The following AIPL1 variants were observed in gnomAD, a reference collection of about 807,000 sequenced individuals.
The protein encoded by AIPL1 is aryl-hydrocarbon-interacting protein-like 1.
A neutral mutation model predicts 32.9 loss-of-function variants in AIPL1; 23 were observed. That is an observed-to-expected ratio of 0.70 (90% CI 0.50 to 0.99). The LOEUF (loss-of-function observed/expected upper bound fraction) is 0.99. AIPL1 is among the 50% of genes least tolerant of loss of function. AIPL1 has a pLI of 0.00. For synonymous variants in AIPL1, 210 were observed against 209.4 expected, an observed-to-expected ratio of 1.00 and a Z score of -0.02; for missense variants, 485 against 506.0, an observed-to-expected ratio of 0.96 and a Z score of 0.40.
At chr17:6,433,571 A>C (rs925659052) in intron 2 of AIPL1, among the ~76,000 whole-genome samples, 1 of 144,840 alleles carries the variant, frequency 6.9e-6, no homozygotes, top group African/African-American at 2.7e-5. Context: ...AGCCTGGGTG[A>C]CAGAGCGAGA....
At chr17:6,430,417 T>C (rs1186733448) in intron 2 of AIPL1, among the ~76,000 whole-genome samples, 1 of 135,274 alleles carries the variant, frequency 7.4e-6, no homozygotes, top group Non-Finnish European at 1.5e-5. Context: ...TCCCACACCA[T>C]TGCACTCCAG....
intron 5 of AIPL1, 53 bp from the exon 6 acceptor site, chr17:6,425,883 AG>A: frequency 6.3e-7 from 1 of 1,580,862 alleles, no homozygotes; most frequent in South Asian, 1.1e-5. Flanking sequence ...CCTCAGAGGC[AG>A]CCCCAGCCCA....
rs778794784 is a variant in AIPL1, at chr17:6,425,587, G to A, written c.1028C>T (p.Pro343Leu). The change falls in exon 6 of 6, where the codon CCC becomes CTC. Residue 343 changes from proline to leucine, a missense_variant. Pro to Leu is a moderately conservative substitution (Grantham distance 98). Coordinates refer to ENST00000381129, the MANE Select transcript of AIPL1 (RefSeq NM_014336.5). ...QPPAEPPTEP[P>L]AQSSTEPPAE... Reference sequence around the variant, plus strand: ...AGGTGGCTCTGTGGATGACTGTGCGGGTGGCTCTGTGGGTGGCTCTGCGGG... The same window carrying A: ...AGGTGGCTCTGTGGATGACTGTGCGAGTGGCTCTGTGGGTGGCTCTGCGGG... 34 of 1,613,310 alleles carry A rather than the reference G, an allele frequency of 2.1e-5. No individual in the cohort carries two copies. Among genetic ancestry groups the A allele is most frequent in the Non-Finnish European group, 2.6e-5 (31 of 1,179,806 alleles).
chr17:6,431,752 G>A (rs993214360), intron 2 of AIPL1, among the ~76,000 whole-genome samples: 1 of 152,172 alleles, frequency 6.6e-6, no homozygotes, highest in African/African-American at 2.4e-5. Flanking sequence ...TGAAAGTCTA[G>A]GGGGAGCTTT....
At chr17:6,426,080 A>G in intron 5 of AIPL1, 4 of 1,221,344 alleles carry the variant, frequency 3.3e-6, no homozygotes, top group Non-Finnish European at 4.3e-6. Flanking sequence ...TTTTTCTTAT[A>G]GACGCTACCT....
At position 6,435,019 on chromosome 17, in the gene AIPL1, G is replaced by T. The variant is rs1438435621; in HGVS notation, c.86C>A (p.Thr29Asn). ...AGGGGCCCCACTCACTCGGGATCCG[G>T]TGATGAAGTTTGGGAGCTCGCCCGT... ...GGTGELPNFITGSRVIFHFRT... is the reference protein window; with the variant it reads ...GGTGELPNFINGSRVIFHFRT... The change falls in exon 1 of 6, where the codon ACC (threonine) becomes AAC (asparagine). Residue 29 changes from threonine to asparagine, a missense_variant. Thr to Asn is a moderately conservative substitution (Grantham distance 65). Transcript: ENST00000381129. The T allele has an allele frequency of 2.5e-6, 4 of 1,614,070 alleles. No homozygotes were observed. In the African/African-American group the frequency reaches 5.3e-5, roughly 22 times the overall value.
At chr17:6,430,672 T>C (rs1912513912) in intron 2 of AIPL1, among the ~76,000 whole-genome samples, 1 of 152,220 alleles carries the variant, frequency 6.6e-6, no homozygotes, top group Non-Finnish European at 1.5e-5. Context: ...AGCTGTCATG[T>C]GTTAGCAAAC....
rs528477008 is a variant in AIPL1, at chr17:6,434,017, G to T, written c.178C>A (p.His60Asn). ...TTGAACATGTTTCCGATGATGATGT[G>T]CATGGGCTGGCCCACCTGCCGACTG... ...DDSRQVGQPM[H>N]IIIGNMFKLE... Residue 60 changes from histidine (H) to asparagine (N), a missense_variant, in exon 2 of 6, where the codon CAC becomes AAC. Coordinates refer to ENST00000381129, the MANE Select transcript of AIPL1 (RefSeq NM_014336.5). 1 of 1,614,140 alleles carries T rather than the reference G, an allele frequency of 6.2e-7. No individual in the cohort carries two copies. Among genetic ancestry groups the T allele is most frequent in the Non-Finnish European group, 8.5e-7 (1 of 1,180,028 alleles).
chr17:6,433,611 T>A (rs796814359), intron 2 of AIPL1, among the ~76,000 whole-genome samples: 24 of 106,258 alleles, frequency 2.3e-4, no homozygotes, highest in Admixed American at 2.9e-4. Flanking sequence ...TCTCTCTCTC[T>A]CACACACACA....
intron 1 of AIPL1, 64 bp from the exon 2 acceptor site, chr17:6,434,162 C>T: frequency 6.4e-7 from 1 of 1,570,154 alleles, no homozygotes; most frequent in Non-Finnish European, 8.6e-7. Flanking sequence ...GAAGCCACCC[C>T]CTTGCCACCG....
chr17:6,434,945 GCAC>G lies in AIPL1; in HGVS notation c.96+61_96+63del, dbSNP rs766208194. 26 of 1,610,982 alleles carry G rather than the reference GCAC, an allele frequency of 1.6e-5. No individual in the cohort carries two copies. In the Admixed American group the frequency reaches 3.3e-4, roughly 21 times the overall value. ...TGAAAGCTGTTTACAGTGCCTTGGGGCACACCTGGAATGTTGAAAGCTGCTGTG... is the reference window on the plus strand; with the variant it reads ...TGAAAGCTGTTTACAGTGCCTTGGGGACCTGGAATGTTGAAAGCTGCTGTG... On this transcript the variant is annotated intron_variant, in intron 1 of 5. Coordinates refer to ENST00000381129, the MANE Select transcript of AIPL1 (RefSeq NM_014336.5).
intron 2 of AIPL1, among the ~76,000 whole-genome samples, chr17:6,430,077 GTGTGTGTGTGC>G: frequency 7.5e-6 from 1 of 132,854 alleles, no homozygotes; most frequent in Admixed American, 8.2e-5. Flanking sequence ...GTGTGTGTGT[GTGTGTGTGTGC>G]ATGCGTACAT....
At position 6,427,195 on chromosome 17, in the gene AIPL1, A is replaced by G. The variant is rs1250637760; in HGVS notation, c.466-138T>C. 5.2e-6 allele frequency: 5 copies of G among 954,416 alleles called. No homozygotes were observed. In the African/African-American group the frequency reaches 6.5e-5, roughly 12 times the overall value. The allele number at this position is 954,416 out of a possible 1,614,324, so 59.1% of individuals were successfully genotyped here. On this transcript the variant is annotated intron_variant, in intron 3 of 5. Coordinates refer to ENST00000381129, the MANE Select transcript of AIPL1 (RefSeq NM_014336.5). ...CAAGTGCATACAGACAAGGGAAAGA[A>G]GCAACAACGCCGAAAACCCTGCCCT...
chr17:6,429,813 T>A (rs888496034), intron 2 of AIPL1, among the ~76,000 whole-genome samples: 1 of 94,948 alleles, frequency 1.1e-5, no homozygotes, highest in African/African-American at 3.3e-5. Flanking sequence ...GGTAGGTAGG[T>A]AGGTAGGTAG....
intron 2 of AIPL1, among the ~76,000 whole-genome samples, chr17:6,428,824 G>A (rs1378819456): frequency 6.6e-6 from 1 of 152,228 alleles, no homozygotes; most frequent in East Asian, 1.9e-4. Flanking sequence ...TGGCTCCAGA[G>A]GCCATATGCT....
chr17:6,426,800 A>G (rs541641559), intron 4 of AIPL1, 44 bp from the exon 5 acceptor site: 2 of 1,612,114 alleles, frequency 1.2e-6, no homozygotes, highest in East Asian at 4.5e-5. Context: ...CAGCTGCCCA[A>G]CCCCCGCCCC....
Position 6,426,772 on chromosome 17 carries a change from G to A in AIPL1, c.643-16C>T. The A allele has an allele frequency of 6.2e-7, 1 of 1,613,164 alleles. No homozygotes were observed. Among genetic ancestry groups the A allele is most frequent in the Non-Finnish European group, 8.5e-7 (1 of 1,179,742 alleles). ...ATGGCTTCTCCTGCCCAGGGAGAAG[G>A]TCAGCCATGACCTCAGGCAGCTGCC... On this transcript the variant is annotated splice_polypyrimidine_tract_variant and intron_variant, in intron 4 of 5. Coordinates refer to ENST00000381129, the MANE Select transcript of AIPL1 (RefSeq NM_014336.5).
chr17:6,425,665 T>C lies in AIPL1; in HGVS notation c.950A>G (p.Glu317Gly), dbSNP rs754534495. The change falls in exon 6 of 6, where the codon GAG becomes GGG. Residue 317 changes from glutamate (E) to glycine (G), a missense_variant. By Grantham distance (98) the Glu-to-Gly change is moderately conservative (BLOSUM62 -2). Coordinates refer to ENST00000381129, the MANE Select transcript of AIPL1 (RefSeq NM_014336.5). The stretch of plus-strand genomic sequence containing the variant: ...GTTCCGGCAGCGCAGCCGCTCCTCC[T>C]CCTGCTTCTCCGCCATGCGGTTCTC... Reference protein sequence around the residue: ...LLENRMAEKQEEERLRCRNML... With the variant: ...LLENRMAEKQGEERLRCRNML... 22 of 1,610,658 alleles carry C rather than the reference T, an allele frequency of 1.4e-5. No homozygotes were observed. Among genetic ancestry groups the C allele is most frequent in the Non-Finnish European group, 1.9e-5 (22 of 1,179,968 alleles).
At chr17:6,432,584 A>G (rs535992640) in intron 2 of AIPL1, among the ~76,000 whole-genome samples, 1 of 152,132 alleles carries the variant, frequency 6.6e-6, no homozygotes, top group East Asian at 1.9e-4. Flanking sequence ...GAATTACTGG[A>G]GTTTTTAAAA....
Sources: allele counts gnomAD v4.1 joint callset (sites outside exome capture counted in the v4.1 genomes callset), GRCh38; gene constraint gnomAD v4.1.1; transcripts MANE v1.5; gene names NCBI Gene and HGNC (gene_info 2026-07-23, HGNC 2026-07-21).